Variants in MBD5 observed in about 807,000 individuals in gnomAD.
MBD5 encodes the protein methyl-CpG binding domain protein 5, also known as methyl-CpG-binding domain protein 5.
A neutral mutation model predicts 117.3 loss-of-function variants in MBD5; 13 were observed. The ratio of observed to expected loss-of-function variants is 0.11; its 90% CI spans 0.07 to 0.18. MBD5 has a LOEUF of 0.18. Among genes scored for constraint, MBD5 ranks in the 10% least tolerant of loss-of-function variants. The pLI is 1.00. For synonymous variants in MBD5, 727 were observed against 766.4 expected, an observed-to-expected ratio of 0.95 and a Z score of 0.85; for missense variants, 1,879 against 2,093.8, an observed-to-expected ratio of 0.90 and a Z score of 2.00.
At chr2:148,224,509 A>ATTTTT (rs34659671) in intron 2 of MBD5, among the ~76,000 whole-genome samples, 4 of 58,182 alleles carry the variant, frequency 6.9e-5, no homozygotes, top group African/African-American at 3.2e-4. Flanking sequence ...CGCCTGGCTA[A>ATTTTT]TTTTTTTTTT....
At chr2:148,438,940 C>G (rs1235133300) in intron 4 of MBD5, among the ~76,000 whole-genome samples, 2 of 152,176 alleles carry the variant, frequency 1.3e-5, no homozygotes, top group African/African-American at 4.8e-5. Context: ...ATCACAGATA[C>G]ACTAAAAATA....
chr2:148,058,092 T>G (rs10174206), intron 1 of MBD5, among the ~76,000 whole-genome samples: 20,347 of 152,026 alleles, frequency 0.13, 1,991 homozygotes, highest in Non-Finnish European at 0.2. Flanking sequence ...TATAGTGCTG[T>G]TTTTCAAAAT....
chr2:148,485,889 A>C lies in MBD5; in HGVS notation c.3692A>C (p.Gln1231Pro). The change falls in exon 10 of 14, where the codon CAG (glutamine) becomes CCG (proline). Residue 1231 changes from glutamine to proline, a missense_variant. Coordinates refer to ENST00000642680, the MANE Select transcript of MBD5 (RefSeq NM_001378120.1). ...CAGAATCTCCAGGCGTTCCAAGGAC[A>C]GTCCACAATTCCTTGCCCAGCTAAC... is the stretch of plus-strand genomic sequence containing the variant. ...GYQNLQAFQGQSTIPCPANNN... is the reference protein window; with the variant it reads ...GYQNLQAFQGPSTIPCPANNN... 6.2e-7 allele frequency: 1 copy of C among 1,614,150 alleles called. No homozygotes were observed. Among genetic ancestry groups the C allele is most frequent in the South Asian group, 1.1e-5 (1 of 91,084 alleles).
chr2:148,145,988 C>G (rs193156639), intron 1 of MBD5, among the ~76,000 whole-genome samples: 90 of 152,302 alleles, frequency 5.9e-4, no homozygotes, highest in African/African-American at 2.1e-3. Context: ...CGGATTCTCT[C>G]TTTTTCTATT....
intron 1 of MBD5, among the ~76,000 whole-genome samples, chr2:148,164,786 A>G (rs1228985740): frequency 6.6e-6 from 1 of 152,128 alleles, no homozygotes. Flanking sequence ...GACTGGGTAA[A>G]TGATAAGAAA....
intron 11 of MBD5, among the ~76,000 whole-genome samples, chr2:148,500,742 A>G (rs1681846901): frequency 6.6e-6 from 1 of 152,210 alleles, no homozygotes; most frequent in African/African-American, 2.4e-5. Context: ...TATGTTATAT[A>G]GCACAGCTCC....
intron 1 of MBD5, among the ~76,000 whole-genome samples, chr2:148,031,924 TTA>T (rs1573931507): frequency 6.6e-6 from 1 of 152,210 alleles, no homozygotes; most frequent in African/African-American, 2.4e-5. Context: ...AGGATGCAGC[TTA>T]TGTTTTCTCC....
intron 1 of MBD5, among the ~76,000 whole-genome samples, chr2:148,131,799 T>C (rs1264104284): frequency 6.6e-6 from 1 of 152,236 alleles, no homozygotes; most frequent in African/African-American, 2.4e-5. Flanking sequence ...TAGAGTGCTA[T>C]ATTTTATTTA....
intron 4 of MBD5, among the ~76,000 whole-genome samples, chr2:148,454,481 A>G (rs1706822070): frequency 6.6e-6 from 1 of 152,216 alleles, no homozygotes; most frequent in East Asian, 1.9e-4. Context: ...TTGCAGAATT[A>G]TATGTAGTAT....
chr2:148,305,944 C>T (rs12470061), intron 3 of MBD5, among the ~76,000 whole-genome samples: 41,800 of 151,952 alleles, frequency 0.28, 6,561 homozygotes, highest in Admixed American at 0.37. Context: ...AATCTCCCCC[C>T]TTTTTAATTT....
At chr2:148,102,597 A>G (rs543307065) in intron 1 of MBD5, among the ~76,000 whole-genome samples, 2 of 151,986 alleles carry the variant, frequency 1.3e-5, no homozygotes, top group South Asian at 2.1e-4. Flanking sequence ...CTTTTCTGTA[A>G]TATTTCTCAG....
intron 4 of MBD5, among the ~76,000 whole-genome samples, chr2:148,441,317 C>T (rs1216049014): frequency 1.3e-5 from 2 of 152,094 alleles, no homozygotes; most frequent in Non-Finnish European, 2.9e-5. Flanking sequence ...CATGCGTTCT[C>T]ATTGTTCAAT....
At chr2:148,180,692 G>A (rs1269554831) in intron 2 of MBD5, among the ~76,000 whole-genome samples, 3 of 151,860 alleles carry the variant, frequency 2.0e-5, no homozygotes, top group Admixed American at 6.6e-5. Flanking sequence ...CACCTCGCCC[G>A]GCATCTTTTT....
intron 1 of MBD5, among the ~76,000 whole-genome samples, chr2:148,067,585 T>C (rs984845573): frequency 2.0e-4 from 30 of 152,232 alleles, no homozygotes; most frequent in African/African-American, 6.8e-4. Flanking sequence ...CATTTAGATC[T>C]ATTTTTATTA....
intron 3 of MBD5, among the ~76,000 whole-genome samples, chr2:148,325,105 G>A (rs1173144648): frequency 6.6e-6 from 1 of 152,116 alleles, no homozygotes; most frequent in Non-Finnish European, 1.5e-5. Context: ...TGTGGTTTTT[G>A]TCTTTGGTTC....
chr2:148,180,345 T>G (rs971760693), intron 2 of MBD5, among the ~76,000 whole-genome samples: 13 of 124,058 alleles, frequency 1.0e-4, no homozygotes, highest in African/African-American at 4.1e-4. Flanking sequence ...AAATTATACA[T>G]ATATATATAT....
intron 3 of MBD5, among the ~76,000 whole-genome samples, chr2:148,254,094 A>C (rs2106259401): frequency 6.6e-6 from 1 of 152,316 alleles, no homozygotes; most frequent in Middle Eastern, 3.4e-3. Flanking sequence ...GCTCACTACT[A>C]GGATCCCAGC....
At chr2:148,105,116 CTATGTTTTCAAATA>C (rs1406813567) in intron 1 of MBD5, among the ~76,000 whole-genome samples, 1 of 151,672 alleles carries the variant, frequency 6.6e-6, no homozygotes, top group Non-Finnish European at 1.5e-5. Flanking sequence ...TCCATTTCAT[CTATGTTTTCAAATA>C]TATTGGCATG....
chr2:148,323,402 AT>A (rs553030358), intron 3 of MBD5, among the ~76,000 whole-genome samples: 175 of 151,156 alleles, frequency 1.2e-3, no homozygotes, highest in African/African-American at 4.1e-3. Flanking sequence ...CTAGTTCTAG[AT>A]CCCTGAGGAA....
Sources: allele counts gnomAD v4.1 joint callset (sites outside exome capture counted in the v4.1 genomes callset), GRCh38; gene constraint gnomAD v4.1.1; transcripts MANE v1.5; gene names NCBI Gene and HGNC (gene_info 2026-07-23, HGNC 2026-07-21).